CACNA1B: variants seen among roughly 807,000 people sequenced by gnomAD.
The protein encoded by CACNA1B is calcium voltage-gated channel subunit alpha1 B.
Under a neutral mutation model 247.2 loss-of-function variants are expected in CACNA1B, and 70 were observed. The observed-to-expected ratio is 0.28, with a 90% CI of 0.23 to 0.35. The LOEUF (loss-of-function observed/expected upper bound fraction) is 0.35, where lower values mean the gene tolerates loss of function less well. Ranked by LOEUF, CACNA1B falls within the 10% of genes least tolerant of loss-of-function variation. CACNA1B has a pLI of 1.00. For synonymous variants in CACNA1B, 1,231 were observed against 1,294.4 expected, an observed-to-expected ratio of 0.95 and a Z score of 1.05; for missense variants, 2,367 against 3,197.4, an observed-to-expected ratio of 0.74 and a Z score of 6.26.
chr9:137,976,135 G>A (rs1419156337), intron 12 of CACNA1B, 116 bp downstream of exon 12: 2 of 677,912 alleles, frequency 3.0e-6, no homozygotes, highest in Non-Finnish European at 5.2e-6. Flanking sequence ...ACATGGGTCA[G>A]AAAGGCTGCC....
At position 137,952,331 on chromosome 9, in the gene CACNA1B, A is replaced by G. The variant is rs748642696; in HGVS notation, c.1024A>G (p.Ile342Val). ...GCTCTACTTCATCCCTCTCATCATC[A>G]TCGGCTCCTTCTTCATGCTCAACCT... is the stretch of plus-strand genomic sequence containing the variant. ...NWLYFIPLII[I>V]GSFFMLNLVL... Residue 342 changes from isoleucine (I) to valine (V), a missense_variant, in exon 7 of 47, where the codon ATC (isoleucine) becomes GTC (valine). By Grantham distance (29) the Ile-to-Val change is conservative. Coordinates refer to ENST00000371372, the MANE Select transcript of CACNA1B (RefSeq NM_000718.4). This position sits in a 1 kb window ranked among gnomAD's most constrained non-coding sequence, Gnocchi z 4.8. The G allele has an allele frequency of 3.7e-6, 6 of 1,612,876 alleles. No individual in the cohort carries two copies. The Admixed American group carries it at 8.3e-5, about 22-fold the overall frequency.
intron 10 of CACNA1B, among the ~76,000 whole-genome samples, chr9:137,965,414 C>T (rs989656924): frequency 2.6e-5 from 4 of 152,150 alleles, no homozygotes; most frequent in African/African-American, 4.8e-5. Flanking sequence ...GGCGCGGTGG[C>T]GCATGCCTGT....
At chr9:137,993,322 T>TTTAAATTTTTGTCTATCTAGA (rs1399616577) in intron 15 of CACNA1B, among the ~76,000 whole-genome samples, 71 of 105,228 alleles carry the variant, frequency 6.7e-4, no homozygotes, top group Admixed American at 3.7e-3. Flanking sequence ...ATAGATAAAA[T>TTTAAATTTTTGTCTATCTAGA]TTAAATTTTT....
At chr9:137,983,933 G>A (rs1433812520) in intron 12 of CACNA1B, among the ~76,000 whole-genome samples, 1 of 152,024 alleles carries the variant, frequency 6.6e-6, no homozygotes, top group African/African-American at 2.4e-5. Flanking sequence ...ACCAGGACTG[G>A]TGGGACTCTA....
intron 3 of CACNA1B, among the ~76,000 whole-genome samples, chr9:137,907,856 T>G (rs1225414616): frequency 2.6e-5 from 4 of 152,222 alleles, no homozygotes; most frequent in Non-Finnish European, 5.9e-5. Context: ...TTGATACACC[T>G]GGAATTTATG....
chr9:138,121,416 G>C lies in CACNA1B; in HGVS notation c.6490-53G>C. 1 of 957,112 alleles carries C rather than the reference G, an allele frequency of 1.0e-6. No individual in the cohort carries two copies. Among genetic ancestry groups the C allele is most frequent in the South Asian group, 1.7e-5 (1 of 57,996 alleles). 59.3% of individuals were successfully genotyped at this position (957,112 alleles called of 1,614,324 possible). A position where few individuals can be genotyped will look rare whatever the true frequency, so the allele number is the denominator to read the frequency against. On this transcript the variant is annotated intron_variant, in intron 46 of 46. Coordinates refer to ENST00000371372, the MANE Select transcript of CACNA1B (RefSeq NM_000718.4). The surrounding 1 kb of genome is among the most constrained non-coding windows in gnomAD (Gnocchi z 6.8). ...GTGATGTGCTCTGTCTGTTGGTTCGGCTTTTTTTTTTTTTTTTTTACCTCT... is the reference window on the plus strand; with the variant it reads ...GTGATGTGCTCTGTCTGTTGGTTCGCCTTTTTTTTTTTTTTTTTTACCTCT...
chr9:138,025,243 C>G, intron 20 of CACNA1B, 71 bp downstream of exon 20: 1 of 1,050,888 alleles, frequency 9.5e-7, no homozygotes. Flanking sequence ...TTCCCTCCTG[C>G]TCCACAGCAG....
rs1957920353 is a variant in CACNA1B at position 137,954,462 on chromosome 9, A to G, written c.1071-1236A>G. Among the ~76,000 whole-genome samples the G allele has an allele frequency of 6.6e-6, 1 of 152,176 alleles. No individual in the cohort carries two copies. The highest frequency in any genetic ancestry group is 6.5e-5 in the Admixed American group (1 of 15,284). ...GGGAGGGCTGGCCCTGCTGCCGGCC[A>G]CTGCGTGAGAAGCAGCTGCTCTGTG... On this transcript the variant is annotated intron_variant, in intron 7 of 46. Coordinates refer to ENST00000371372, the MANE Select transcript of CACNA1B (RefSeq NM_000718.4). This position sits in a 1 kb window ranked among gnomAD's most constrained non-coding sequence, Gnocchi z 4.1.
Position 138,057,084 on chromosome 9 carries a change from C to T in CACNA1B, c.3969-648C>T, listed in dbSNP as rs956357284. Among the ~76,000 whole-genome samples the T allele has an allele frequency of 4.6e-5, 7 of 151,898 alleles. No homozygotes were observed. Among genetic ancestry groups the T allele is most frequent in the Admixed American group, 6.6e-5 (1 of 15,242 alleles). On this transcript the variant is annotated intron_variant, in intron 26 of 46. Coordinates refer to ENST00000371372, the MANE Select transcript of CACNA1B (RefSeq NM_000718.4). The surrounding 1 kb of genome is among the most constrained non-coding windows in gnomAD (Gnocchi z 4.0). ...CCGAGTAGCTGGGACTATAGGCGCC[C>T]GCCACCACGCCCGGCTAATTATTTT...
At chr9:137,923,817 CT>C (rs1211747605) in intron 6 of CACNA1B, among the ~76,000 whole-genome samples, 1 of 152,116 alleles carries the variant, frequency 6.6e-6, no homozygotes, top group South Asian at 2.1e-4. Flanking sequence ...GGTGGTGACA[CT>C]TTTTTATTTT....
chr9:138,074,015 G>T lies in CACNA1B; in HGVS notation c.4806G>T (p.Val1602=), dbSNP rs780174768. Residue 1602 remains valine (V), a synonymous_variant, in exon 34 of 47, where the codon GTG becomes GTT. Coordinates refer to ENST00000371372, the MANE Select transcript of CACNA1B (RefSeq NM_000718.4). Reference sequence around the variant, plus strand: ...TGTCTCCGCAGGCCCTGCCCTACGTGTGTCTGCTCATTGCCATGCTGTTCT... The same window carrying T: ...TGTCTCCGCAGGCCCTGCCCTACGTTTGTCTGCTCATTGCCATGCTGTTCT... The part of the protein sequence containing the change: ...FVQSFKALPY[V]CLLIAMLFFI... 1 of 1,612,394 alleles carries T rather than the reference G, an allele frequency of 6.2e-7. No individual in the cohort carries two copies. The highest frequency in any genetic ancestry group is 1.1e-5 in the South Asian group (1 of 91,084).
At position 137,988,199 on chromosome 9, in the gene CACNA1B, A is replaced by G. The variant is rs114042732; in HGVS notation, c.1974+1345A>G. ...CTCCCAGCCACACGACGGGGAGGTCACAGGCCTGGAGCTGCCCGTAGGGTC... is the reference window on the plus strand; with the variant it reads ...CTCCCAGCCACACGACGGGGAGGTCGCAGGCCTGGAGCTGCCCGTAGGGTC... On this transcript the variant is annotated intron_variant, in intron 15 of 46. Coordinates refer to ENST00000371372, the MANE Select transcript of CACNA1B (RefSeq NM_000718.4). Among the ~76,000 whole-genome samples the G allele has an allele frequency of 5.5e-3, 842 of 152,326 alleles. 8 individuals are homozygous for G. The highest frequency in any genetic ancestry group is 0.019 in the African/African-American group (793 of 41,590).
chr9:137,898,615 C>T (rs12005815), intron 3 of CACNA1B, among the ~76,000 whole-genome samples: 2 of 152,138 alleles, frequency 1.3e-5, no homozygotes, highest in African/African-American at 4.8e-5. Context: ...AAGCAATCCT[C>T]CCACCTCAGC....
intron 3 of CACNA1B, among the ~76,000 whole-genome samples, chr9:137,883,627 A>C (rs1236205954): frequency 6.6e-6 from 1 of 151,086 alleles, no homozygotes; most frequent in East Asian, 2.0e-4. Flanking sequence ...TGGCAGGCGG[A>C]AGGCTGGGCT....
intron 31 of CACNA1B, among the ~76,000 whole-genome samples, chr9:138,064,314 G>A (rs1959838825): frequency 6.6e-6 from 1 of 152,162 alleles, no homozygotes; most frequent in Non-Finnish European, 1.5e-5. Context: ...GGGGAGGGCA[G>A]AGAAATGGCT....
chr9:137,998,717 G>A (rs1470360604), intron 15 of CACNA1B, among the ~76,000 whole-genome samples: 1 of 152,240 alleles, frequency 6.6e-6, no homozygotes, highest in East Asian at 1.9e-4. Context: ...GGAAAACACT[G>A]CAGGGCATGA....
rs548502030 is a variant in CACNA1B, at chr9:137,964,656, G to A, written c.1334-6727G>A. On this transcript the variant is annotated intron_variant, in intron 10 of 46. Transcript: ENST00000371372. ...ACCACATGCTCTTATAGCCTCATAA[G>A]TGAAGTTCATTATTACCCACCTTCT... Among the ~76,000 whole-genome samples the A allele has an allele frequency of 2.1e-4, 32 of 152,282 alleles. No homozygotes were observed. The South Asian group carries it at 6.0e-3, about 29-fold the overall frequency.
Position 138,059,267 on chromosome 9 carries a change from T to C in CACNA1B, c.4584+78T>C. The C allele has an allele frequency of 1.2e-6, 1 of 800,724 alleles. No homozygotes were observed. Among genetic ancestry groups the C allele is most frequent in the Non-Finnish European group, 2.2e-6 (1 of 463,444 alleles). 49.6% of individuals were successfully genotyped at this position (800,724 alleles called of 1,614,324 possible). ...CATCTGTAGGGCGACCTTTGGGGGC[T>C]CACAATTTGGAGCTGGGAATTCTCC... is the stretch of plus-strand genomic sequence containing the variant. On this transcript the variant is annotated intron_variant, in intron 30 of 46. Transcript: ENST00000371372. The surrounding 1 kb of genome is among the most constrained non-coding windows in gnomAD (Gnocchi z 4.2).
Position 137,991,293 on chromosome 9 carries a change from A to G in CACNA1B, c.1974+4439A>G, listed in dbSNP as rs144069999. Among the ~76,000 whole-genome samples, 914 of 152,344 alleles carry G rather than the reference A, an allele frequency of 6.0e-3. 6 individuals are homozygous for G. The highest frequency in any genetic ancestry group is 0.019 in the African/African-American group (809 of 41,598). On this transcript the variant is annotated intron_variant, in intron 15 of 46. Coordinates refer to ENST00000371372, the MANE Select transcript of CACNA1B (RefSeq NM_000718.4). ...TAGAGGAATGCAAAATGCACTGGAA[A>G]GTCTCAGCAATAGAATCGAACAAGC...
Sources: allele counts gnomAD v4.1 joint callset (sites outside exome capture counted in the v4.1 genomes callset), GRCh38; gene constraint gnomAD v4.1.1; non-coding constraint Gnocchi (gnomAD v3.1); transcripts MANE v1.5; gene names NCBI Gene and HGNC (gene_info 2026-07-23, HGNC 2026-07-21).